PIGV: variants seen among roughly 807,000 people sequenced by gnomAD.
PIGV encodes the protein phosphatidylinositol glycan anchor biosynthesis class V, also known as GPI alpha-1,6-mannosyltransferase 2.
Under a neutral mutation model 39.2 loss-of-function variants are expected in PIGV, and 27 were observed. That is an observed-to-expected ratio of 0.69 (90% confidence interval 0.51 to 0.95). The LOEUF is 0.95. Among genes scored for constraint, PIGV ranks in the 40% least tolerant of loss-of-function variants. PIGV has a pLI of 0.00. For missense variants in PIGV, 523 were observed against 586.4 expected, an observed-to-expected ratio of 0.89 and a Z score of 1.12; for synonymous variants, 232 against 241.7, an observed-to-expected ratio of 0.96 and a Z score of 0.37.
rs956961197 is a variant in PIGV at position 26,799,222 on chromosome 1, T to C, written c.*1378T>C. On this transcript the variant is annotated 3_prime_UTR_variant, in exon 4 of 4. Transcript: ENST00000674202. Reference sequence around the variant, plus strand: ...AGGTGCCTGTTGTGCCGTTCTCAGATGCCTGCTTACTTGATCAGTAGACAT... The same window carrying C: ...AGGTGCCTGTTGTGCCGTTCTCAGACGCCTGCTTACTTGATCAGTAGACAT... Among the ~76,000 whole-genome samples the C allele has an allele frequency of 2.0e-5, 3 of 152,218 alleles. No individual in the cohort carries two copies. The highest frequency in any genetic ancestry group is 4.8e-5 in the African/African-American group (2 of 41,458).
chr1:26,788,812 G>A (rs760301185), intron 1 of PIGV: 6 of 152,232 alleles, frequency 3.9e-5, no homozygotes, highest in Non-Finnish European at 8.8e-5. Context: ...AGTGAAACTA[G>A]TTGATCTGTA....
Position 26,798,926 on chromosome 1 carries a change from AATG to A in PIGV, c.*1088_*1090del, listed in dbSNP as rs1238092246. On this transcript the variant is annotated 3_prime_UTR_variant, in exon 4 of 4. Coordinates refer to ENST00000674202, the MANE Select transcript of PIGV (RefSeq NM_017837.4). Reference sequence around the variant, plus strand: ...AGTTACCACCTCTGAAACCATGGGAAATGATGATATTCTTCAGGGGGTGGTGGT... The same window carrying A: ...AGTTACCACCTCTGAAACCATGGGAAATGATATTCTTCAGGGGGTGGTGGT... Among the ~76,000 whole-genome samples the A allele has an allele frequency of 1.3e-5, 2 of 152,154 alleles. No individual in the cohort carries two copies. The highest frequency in any genetic ancestry group is 4.8e-5 in the African/African-American group (2 of 41,432).
At chr1:26,796,658 C>T (rs565193020) in intron 3 of PIGV, among the ~76,000 whole-genome samples, 10 of 152,266 alleles carry the variant, frequency 6.6e-5, no homozygotes, top group Non-Finnish European at 1.2e-4. Flanking sequence ...TGTGAAAGGA[C>T]CTGATTGGAC....
Position 26,797,919 on chromosome 1 carries a change from C to A in PIGV, c.*75C>A. ...AAAGTAAAAATACACATTGGAACTG[C>A]CTCTGCTGCCCTGGGATCATTACTG... On this transcript the variant is annotated 3_prime_UTR_variant, in exon 4 of 4. Coordinates refer to ENST00000674202, the MANE Select transcript of PIGV (RefSeq NM_017837.4). The A allele has an allele frequency of 8.4e-7, 1 of 1,188,468 alleles. No homozygotes were observed. The highest frequency in any genetic ancestry group is 1.3e-6 in the Non-Finnish European group (1 of 794,830). The allele number at this position is 1,188,468 out of a possible 1,614,324, so 73.6% of individuals were successfully genotyped here. A position where few individuals can be genotyped will look rare whatever the true frequency, so the allele number is the denominator to read the frequency against.
chr1:26,794,678 A>G lies in PIGV; in HGVS notation c.644A>G (p.His215Arg), dbSNP rs2081357058. 3 of 1,614,184 alleles carry G rather than the reference A, an allele frequency of 1.9e-6. No homozygotes were observed. Among genetic ancestry groups the G allele is most frequent in the Non-Finnish European group, 2.5e-6 (3 of 1,180,026 alleles). Residue 215 changes from histidine (H) to arginine (R), a missense_variant, in exon 3 of 4, where the codon CAT becomes CGT. By Grantham distance (29) the His-to-Arg change is conservative (BLOSUM62 0). Coordinates refer to ENST00000674202, the MANE Select transcript of PIGV (RefSeq NM_017837.4). ...NGLVSVGFLM[H>R]SQCQGFFSSL... is the part of the protein sequence containing the mutation. The stretch of plus-strand genomic sequence containing the variant: ...CTGGTCAGTGTTGGCTTCCTCATGC[A>G]TTCTCAATGCCAAGGCTTTTTCTCT...
rs2081431305 is a variant in PIGV, at chr1:26,799,900, G to A, written c.*2056G>A. ...GCAAATCCAGAGACTTCCACCTTGC[G>A]TGCAGGAAGTGTTGGGGTCCTGTTT... On this transcript the variant is annotated 3_prime_UTR_variant, in exon 4 of 4. Coordinates refer to ENST00000674202, the MANE Select transcript of PIGV (RefSeq NM_017837.4). 1.3e-5 allele frequency among the ~76,000 whole-genome samples: 2 copies of A among 152,158 alleles called. No homozygotes were observed. The highest frequency in any genetic ancestry group is 2.9e-5 in the Non-Finnish European group (2 of 68,026).
rs551954604 is a variant in PIGV at position 26,799,050 on chromosome 1, G to A, written c.*1206G>A. Among the ~76,000 whole-genome samples, 5 of 152,296 alleles carry A rather than the reference G, an allele frequency of 3.3e-5. No individual in the cohort carries two copies. The East Asian group carries it at 5.8e-4, about 18-fold the overall frequency. On this transcript the variant is annotated 3_prime_UTR_variant, in exon 4 of 4. Coordinates refer to ENST00000674202, the MANE Select transcript of PIGV (RefSeq NM_017837.4). ...CCCCAGTCTAAATGCTAATGTAGAG[G>A]CTTAAATGTGTGATTTTAGGAGAAA... is the stretch of plus-strand genomic sequence containing the variant.
chr1:26,792,418 C>T (rs2124187070), intron 2 of PIGV, among the ~76,000 whole-genome samples: 1 of 151,304 alleles, frequency 6.6e-6, no homozygotes, highest in South Asian at 2.1e-4. Flanking sequence ...AGCTCCGCTT[C>T]CCGGGTTCAC....
chr1:26,787,879 C>T (rs372065819), upstream of PIGV: 1 of 152,298 alleles, frequency 6.6e-6, no homozygotes, highest in Admixed American at 6.5e-5. Context: ...ACATGGCCGC[C>T]GCGCAGGGAG....
At chr1:26,788,363 C>G (rs1299926118) in intron 1 of PIGV, 95 bp downstream of exon 1, 1 of 152,308 alleles carries the variant, frequency 6.6e-6, no homozygotes, top group Non-Finnish European at 1.5e-5. Context: ...AGAAGGCAGC[C>G]CCCACGAGGC....
upstream of PIGV, among the ~76,000 whole-genome samples, chr1:26,787,233 C>G (rs2081248553): frequency 1.3e-5 from 2 of 152,206 alleles, 1 homozygote; most frequent in South Asian, 4.1e-4. Context: ...AAACTGGCCG[C>G]TCCCCCCAAT....
At position 26,794,557 on chromosome 1, in the gene PIGV, C is replaced by T. The variant is rs745984839; in HGVS notation, c.523C>T (p.Leu175Phe). 4 of 1,614,250 alleles carry T rather than the reference C, an allele frequency of 2.5e-6. No individual in the cohort carries two copies. The East Asian group carries it at 6.7e-5, about 27-fold the overall frequency. The change falls in exon 3 of 4, where the codon CTC becomes TTC. Residue 175 changes from leucine (L) to phenylalanine (F), a missense_variant. Physicochemically the swap from Leu to Phe is conservative, Grantham distance 22. Transcript: ENST00000674202. ...AAGYSEALFA[L>F]LTFSAMGQLE... ...TGGTTACTCAGAAGCTTTGTTTGCCCTCCTGACATTCAGTGCCATGGGGCA... is the reference window on the plus strand; with the variant it reads ...TGGTTACTCAGAAGCTTTGTTTGCCTTCCTGACATTCAGTGCCATGGGGCA...
intron 1 of PIGV, chr1:26,788,605 G>C (rs2081270579): frequency 1.3e-5 from 2 of 152,250 alleles, no homozygotes; most frequent in Non-Finnish European, 2.9e-5. Context: ...GTACCCTTTG[G>C]CGAGGGATGC....
intron 2 of PIGV, 92 bp downstream of exon 2, chr1:26,790,985 G>A (rs1297452305): frequency 1.9e-6 from 2 of 1,062,610 alleles, no homozygotes; most frequent in East Asian, 2.4e-5. Context: ...CACCTCTCAG[G>A]TGTGCCCCTC....
rs1045854988 is a variant in PIGV at position 26,797,768 on chromosome 1, G to A, written c.1406G>A (p.Arg469Gln). The change falls in exon 4 of 4, where the codon CGA becomes CAA. Residue 469 changes from arginine (R) to glutamine (Q), a missense_variant. Physicochemically the swap from Arg to Gln is conservative, Grantham distance 43. Coordinates refer to ENST00000674202, the MANE Select transcript of PIGV (RefSeq NM_017837.4). Reference sequence around the variant, plus strand: ...TGGAAAACCTGTTCTCCAGTCACACGATACATTCTAGGCTACTTCCTGACT... The same window carrying A: ...TGGAAAACCTGTTCTCCAGTCACACAATACATTCTAGGCTACTTCCTGACT... Reference protein sequence around the residue: ...YHWKTCSPVTRYILGYFLTYW... With the variant: ...YHWKTCSPVTQYILGYFLTYW... 9 of 1,613,806 alleles carry A rather than the reference G, an allele frequency of 5.6e-6. No homozygotes were observed. Among genetic ancestry groups the A allele is most frequent in the African/African-American group, 1.3e-5 (1 of 74,886 alleles).
In PIGV at chr1:26,799,267, G is replaced by A. The variant is rs185398050; in HGVS notation, c.*1423G>A. Reference sequence around the variant, plus strand: ...AGACATGGGTCAGAGGCGCCAACACGGCGGCAGGAATTGGTAAATTGTACG... The same window carrying A: ...AGACATGGGTCAGAGGCGCCAACACAGCGGCAGGAATTGGTAAATTGTACG... On this transcript the variant is annotated 3_prime_UTR_variant, in exon 4 of 4. Transcript: ENST00000674202. Among the ~76,000 whole-genome samples, 4 of 152,240 alleles carry A rather than the reference G, an allele frequency of 2.6e-5. No homozygotes were observed. The highest frequency in any genetic ancestry group is 3.9e-4 in the East Asian group (2 of 5,184).
intron 1 of PIGV, among the ~76,000 whole-genome samples, chr1:26,790,472 G>A (rs140718430): frequency 6.6e-6 from 1 of 152,316 alleles, no homozygotes; most frequent in East Asian, 1.9e-4. Flanking sequence ...GTTGAACCCA[G>A]ATCTTTAGTT....
chr1:26,794,041 C>T, intron 2 of PIGV, 72 bp from the exon 3 acceptor site: 1 of 1,451,224 alleles, frequency 6.9e-7, no homozygotes, highest in Non-Finnish European at 9.7e-7. Context: ...GGCCTTCTTC[C>T]TCATTTTATT....
chr1:26,796,975 C>T (rs1215657147), intron 3 of PIGV, among the ~76,000 whole-genome samples: 1 of 152,196 alleles, frequency 6.6e-6, no homozygotes, highest in African/African-American at 2.4e-5. Flanking sequence ...TGCACATTGG[C>T]TGTTTCTAAA....
Sources: gnomAD v4.1 joint callset for allele counts (sites outside exome capture counted in the v4.1 genomes callset) on GRCh38, gnomAD v4.1.1 for gene constraint, MANE v1.5 for transcripts, NCBI Gene and HGNC (gene_info 2026-07-23, HGNC 2026-07-21) for gene names.